Variants in TAS2R1 observed in about 807,000 individuals in gnomAD.
TAS2R1 encodes taste receptor type 2 member 1.
For synonymous variants in TAS2R1, 141 were observed against 134.2 expected (o/e 1.05, Z -0.35); for missense variants, 370 against 353.4 (o/e 1.05, Z -0.38).
chr5:9,653,332 A>G (rs1740345002), intron 2 of TAS2R1, among the ~76,000 whole-genome samples: 1 of 152,140 alleles, frequency 6.6e-6, no homozygotes, highest in Non-Finnish European at 1.5e-5. Context: ...ATGTTGTAGC[A>G]TATGTCAGAA....
the TAS2R1 span, among the ~76,000 whole-genome samples, chr5:9,741,552 GAA>G: frequency 2.6e-5 from 4 of 152,252 alleles, no homozygotes; most frequent in East Asian, 5.8e-4. Context: ...GAAAATAAAA[GAA>G]AGATTTACAT....
the TAS2R1 span, among the ~76,000 whole-genome samples, chr5:9,801,811 TC>T: frequency 6.6e-6 from 1 of 151,990 alleles, no homozygotes; most frequent in Non-Finnish European, 1.5e-5. Flanking sequence ...CAGCCATAAT[TC>T]CCCTGGGAAC....
At chr5:9,867,635 G>T in the TAS2R1 span, among the ~76,000 whole-genome samples, 1 of 152,094 alleles carries the variant, frequency 6.6e-6, no homozygotes, top group Admixed American at 6.5e-5. Flanking sequence ...CAAACCATAT[G>T]ATTCTGTTCC....
the TAS2R1 span, among the ~76,000 whole-genome samples, chr5:9,888,988 G>A: frequency 6.6e-6 from 1 of 152,236 alleles, no homozygotes; most frequent in Non-Finnish European, 1.5e-5. Context: ...GCAGAAGCCT[G>A]AAGGCCAACT....
the TAS2R1 span, among the ~76,000 whole-genome samples, chr5:9,752,802 A>G: frequency 6.9e-6 from 1 of 145,720 alleles, no homozygotes; most frequent in Non-Finnish European, 1.5e-5. Context: ...TGCGGTGTTT[A>G]GTTTTTTCTC....
At chr5:9,728,788 G>A in the TAS2R1 span, among the ~76,000 whole-genome samples, 1 of 152,148 alleles carries the variant, frequency 6.6e-6, no homozygotes, top group Non-Finnish European at 1.5e-5. Context: ...GGGTTTGCAA[G>A]ACTCAACACA....
the TAS2R1 span, among the ~76,000 whole-genome samples, chr5:9,845,477 G>GA: frequency 2.9e-4 from 44 of 151,356 alleles, no homozygotes; most frequent in South Asian, 1.9e-3. Flanking sequence ...ATTCAAGGCA[G>GA]AAAAAAAAAT....
At chr5:9,750,777 CTG>C in the TAS2R1 span, among the ~76,000 whole-genome samples, 2 of 152,078 alleles carry the variant, frequency 1.3e-5, no homozygotes, top group Non-Finnish European at 2.9e-5. Flanking sequence ...ATTGAAATAA[CTG>C]TTTCCTCTCA....
chr5:9,750,517 T>C, the TAS2R1 span, among the ~76,000 whole-genome samples: 4 of 152,240 alleles, frequency 2.6e-5, no homozygotes, highest in East Asian at 7.7e-4. Flanking sequence ...TTTAATCCTC[T>C]CAATTACCCA....
chr5:9,639,561 G>A (rs1740031952), intron 2 of TAS2R1, among the ~76,000 whole-genome samples: 1 of 152,280 alleles, frequency 6.6e-6, no homozygotes, highest in South Asian at 2.1e-4. Context: ...GTGGTTCTTG[G>A]AGCAAAAGAT....
At chr5:9,845,040 T>C in the TAS2R1 span, among the ~76,000 whole-genome samples, 1 of 152,150 alleles carries the variant, frequency 6.6e-6, no homozygotes, top group East Asian at 1.9e-4. Flanking sequence ...ATGGACTGAA[T>C]ATTTGTGTCC....
chr5:9,652,901 G>A (rs977733943), intron 2 of TAS2R1, among the ~76,000 whole-genome samples: 2 of 152,004 alleles, frequency 1.3e-5, no homozygotes, highest in African/African-American at 2.4e-5. Flanking sequence ...CATAAAAATT[G>A]CCATTTTAAT....
intron 1 of TAS2R1, among the ~76,000 whole-genome samples, chr5:9,665,261 CT>C (rs1316391464): frequency 6.6e-6 from 1 of 152,214 alleles, no homozygotes; most frequent in East Asian, 1.9e-4. Flanking sequence ...CCTCTCTCTG[CT>C]TTTAAGGGCT....
At chr5:9,651,648 T>C (rs550654117) in intron 2 of TAS2R1, among the ~76,000 whole-genome samples, 1 of 152,278 alleles carries the variant, frequency 6.6e-6, no homozygotes, top group East Asian at 1.9e-4. Flanking sequence ...ATGATATCAA[T>C]AGAGGTAAAT....
the TAS2R1 span, among the ~76,000 whole-genome samples, chr5:9,858,905 C>A: frequency 2.6e-5 from 4 of 152,132 alleles, no homozygotes; most frequent in Non-Finnish European, 5.9e-5. Flanking sequence ...AAAATAAAAG[C>A]AAGAATTAGT....
the TAS2R1 span, among the ~76,000 whole-genome samples, chr5:9,880,443 C>G: frequency 6.6e-6 from 1 of 152,194 alleles, no homozygotes; most frequent in Non-Finnish European, 1.5e-5. Flanking sequence ...AGATTAACAA[C>G]TGCACTGTTC....
At chr5:9,761,674 G>T in the TAS2R1 span, among the ~76,000 whole-genome samples, 1 of 152,132 alleles carries the variant, frequency 6.6e-6, no homozygotes. Context: ...CAGTTATCCA[G>T]CAGGCTATGA....
the TAS2R1 span, among the ~76,000 whole-genome samples, chr5:9,848,887 T>A: frequency 6.6e-6 from 1 of 152,244 alleles, no homozygotes; most frequent in Non-Finnish European, 1.5e-5. Context: ...TAACCGTTTT[T>A]TAAGTCTGTT....
intron 2 of TAS2R1, among the ~76,000 whole-genome samples, chr5:9,637,712 G>A (rs1383745636): frequency 6.6e-6 from 1 of 151,754 alleles, no homozygotes; most frequent in African/African-American, 2.4e-5. Flanking sequence ...TACTTGTTCT[G>A]TTCTATATTT....
Sources: allele counts gnomAD v4.1 joint callset (sites outside exome capture counted in the v4.1 genomes callset), GRCh38; gene constraint gnomAD v4.1.1; transcripts MANE v1.5; gene names NCBI Gene and HGNC (gene_info 2026-07-23, HGNC 2026-07-21).